Variants in CCDC32 observed in about 807,000 individuals in gnomAD.
CCDC32 encodes coiled-coil domain containing 32, also known as coiled-coil domain-containing protein 32.
In CCDC32, 9 loss-of-function variants were observed where a neutral mutation model predicts 20.1. That is an observed-to-expected ratio of 0.45 (90% CI 0.27 to 0.78). The LOEUF (loss-of-function observed/expected upper bound fraction) is 0.78, where lower values mean the gene tolerates loss of function less well. Ranked by LOEUF, CCDC32 falls within the 30% of genes least tolerant of loss-of-function variation. The pLI, the probability that CCDC32 is intolerant of heterozygous loss-of-function variation, is 0.16. For synonymous variants in CCDC32, 63 were observed against 79.0 expected (o/e 0.80, Z 1.07); for missense variants, 204 against 215.5 (o/e 0.95, Z 0.33).
At position 40,539,375 on chromosome 15, in the gene CCDC32, C is replaced by A. The variant is rs117307252; in HGVS notation, c.402-20G>T. On this transcript the variant is annotated intron_variant, in intron 3 of 3. Transcript: ENST00000558113. ...CAGGGCCTATGGGAATAAGACAGAC[C>A]GACAGAGACGAGGAAGATAGACAGA... 5.0e-4 allele frequency: 765 copies of A among 1,525,164 alleles called. 6 individuals are homozygous for A. In the East Asian group the frequency reaches 0.015, roughly 29 times the overall value. The allele number at this position is 1,525,164 out of a possible 1,614,324, so 94.5% of individuals were successfully genotyped here.
downstream of CCDC32, among the ~76,000 whole-genome samples, chr15:40,548,265 C>T (rs147150225): frequency 1.7e-3 from 264 of 152,280 alleles, 2 homozygotes; most frequent in African/African-American, 6.2e-3. Context: ...GGAAAAAGTC[C>T]TCAAGTACTA....
chr15:40,549,804 C>T (rs573080725), downstream of CCDC32, among the ~76,000 whole-genome samples: 9 of 152,314 alleles, frequency 5.9e-5, no homozygotes, highest in Admixed American at 3.3e-4. Flanking sequence ...AGGGCCAAAG[C>T]TGGTTGGGAT....
In CCDC32 at chr15:40,553,386, A is replaced by G; in HGVS notation, c.*585T>C. The G allele has an allele frequency of 1.0e-6, 1 of 985,448 alleles. No homozygotes were observed. Among genetic ancestry groups the G allele is most frequent in the Non-Finnish European group, 1.2e-6 (1 of 829,960 alleles). The allele number at this position is 985,448 out of a possible 1,614,324, so 61.0% of individuals were successfully genotyped here. On this transcript the variant is annotated 3_prime_UTR_variant, in exon 4 of 4. Coordinates refer to ENST00000416810, the MANE Select transcript of CCDC32 (RefSeq NM_001080792.4). ...CTTTTGCCCATTTGTTCCACAAGGA[A>G]CAAATGAGAGAAAGAAGCCCAGCCT...
chr15:40,539,902 C>G (rs1000394426), intron 3 of CCDC32, among the ~76,000 whole-genome samples: 2 of 148,560 alleles, frequency 1.3e-5, no homozygotes. Flanking sequence ...GCCCTTGATT[C>G]CATGTCACCC....
intron 3 of CCDC32, among the ~76,000 whole-genome samples, chr15:40,542,066 A>C (rs927024108): frequency 3.3e-5 from 5 of 152,194 alleles, no homozygotes; most frequent in Admixed American, 6.5e-5. Context: ...TCATAATTGG[A>C]AAGGACCTTA....
chr15:40,532,890 G>A (rs11070277), downstream of CCDC32, among the ~76,000 whole-genome samples: 72,233 of 151,290 alleles, frequency 0.48, 19,409 homozygotes, highest in East Asian at 0.74. Flanking sequence ...TTTTGTAGAG[G>A]TAGGGGGTTT....
chr15:40,557,890 A>G (rs1274295725), intron 2 of CCDC32: 2 of 152,302 alleles, frequency 1.3e-5, no homozygotes, highest in African/African-American at 2.4e-5. Flanking sequence ...TGAGAACTCA[A>G]TAAGAGACCT....
intron 3 of CCDC32, among the ~76,000 whole-genome samples, chr15:40,554,573 C>T (rs1389872381): frequency 6.6e-6 from 1 of 152,082 alleles, no homozygotes; most frequent in Admixed American, 6.5e-5. Flanking sequence ...CAGTCTGGGA[C>T]TCAATTATAG....
intron 2 of CCDC32, chr15:40,561,921 T>C (rs1046052623): frequency 9.4e-6 from 1 of 106,442 alleles, no homozygotes; most frequent in Non-Finnish European, 1.9e-5. Flanking sequence ...CTCTTTCCTG[T>C]GTTTGGAATC....
intron 3 of CCDC32, among the ~76,000 whole-genome samples, chr15:40,547,805 A>G (rs561907233): frequency 6.6e-6 from 1 of 152,302 alleles, no homozygotes; most frequent in East Asian, 1.9e-4. Context: ...CTCTGCATGC[A>G]TGCATCACCA....
chr15:40,548,926 G>A (rs572524732), downstream of CCDC32, among the ~76,000 whole-genome samples: 1 of 152,280 alleles, frequency 6.6e-6, no homozygotes, highest in South Asian at 2.1e-4. Context: ...AGTGGGATGG[G>A]ATACACTGAT....
intron 3 of CCDC32, among the ~76,000 whole-genome samples, chr15:40,555,518 C>A (rs1250231318): frequency 1.3e-5 from 2 of 152,116 alleles, no homozygotes; most frequent in African/African-American, 4.8e-5. Context: ...ATCTTCAAAT[C>A]TCCTATGTTT....
chr15:40,553,397 A>AG lies in CCDC32; in HGVS notation c.*573_*574insC. 3 of 984,760 alleles carry AG rather than the reference A, an allele frequency of 3.0e-6. No individual in the cohort carries two copies. The highest frequency in any genetic ancestry group is 3.6e-6 in the Non-Finnish European group (3 of 829,378). The allele number at this position is 984,760 out of a possible 1,614,324, so 61.0% of individuals were successfully genotyped here. ...TTGTTCCACAAGGAACAAATGAGAG[A>AG]AAGAAGCCCAGCCTCTCTCCCTGGA... On this transcript the variant is annotated 3_prime_UTR_variant, in exon 4 of 4. Transcript: ENST00000416810.
At chr15:40,559,723 T>C (rs538945683) in intron 2 of CCDC32, among the ~76,000 whole-genome samples, 5 of 152,244 alleles carry the variant, frequency 3.3e-5, no homozygotes, top group Non-Finnish European at 7.3e-5. Context: ...CTGACTCTTC[T>C]TTCTGTCTTT....
chr15:40,535,192 G>C (rs549387199), downstream of CCDC32: 44 of 1,335,806 alleles, frequency 3.3e-5, no homozygotes, highest in South Asian at 4.9e-4. Flanking sequence ...TGAATGGAAT[G>C]GGGGAGAATG....
At chr15:40,535,340 GCAT>G (rs1301518272), downstream of CCDC32, 74 of 1,187,744 alleles carry the variant, frequency 6.2e-5, no homozygotes, top group Admixed American at 8.0e-5. Flanking sequence ...CCTCTCCATA[GCAT>G]CTGTTTTAAA....
the CCDC32 span, among the ~76,000 whole-genome samples, chr15:40,521,868 C>A: frequency 6.6e-6 from 1 of 152,284 alleles, no homozygotes; most frequent in South Asian, 2.1e-4. Flanking sequence ...AGTCCCTTAT[C>A]AGATATCTGA....
chr15:40,551,809 CAAAAAAAAAAAAAAA>C (rs59499493), downstream of CCDC32, among the ~76,000 whole-genome samples: 8 of 96,374 alleles, frequency 8.3e-5, no homozygotes, highest in Non-Finnish European at 1.1e-4. Flanking sequence ...GACCCTGTCT[CAAAAAAAAAAAAAAA>C]AAAAAAAAAA....
chr15:40,560,033 G>A (rs1425887975), intron 2 of CCDC32, among the ~76,000 whole-genome samples: 4 of 152,090 alleles, frequency 2.6e-5, no homozygotes, highest in Admixed American at 6.5e-5. Flanking sequence ...ATTTTGAGAT[G>A]GAGTCTCGCT....
Sources: allele counts gnomAD v4.1 joint callset (sites outside exome capture counted in the v4.1 genomes callset), GRCh38; gene constraint gnomAD v4.1.1; transcripts MANE v1.5; gene names NCBI Gene and HGNC (gene_info 2026-07-23, HGNC 2026-07-21).